Variants in GPC5 observed in about 807,000 individuals in gnomAD.
GPC5 encodes glypican 5, also known as glypican-5.
Under a neutral mutation model 53.9 loss-of-function variants are expected in GPC5, and 47 were observed. That is an observed-to-expected ratio of 0.87 (90% CI 0.69 to 1.11). The LOEUF is 1.11. GPC5 is among the 50% of genes most tolerant of loss of function. The pLI is 0.00. For missense variants in GPC5, 748 were observed against 713.1 expected, an observed-to-expected ratio of 1.05 and a Z score of -0.56; for synonymous variants, 286 against 263.3, an observed-to-expected ratio of 1.09 and a Z score of -0.84.
chr13:92,109,061 G>GTTTTTTTTTTT (rs35762919), intron 6 of GPC5, among the ~76,000 whole-genome samples: 2 of 87,500 alleles, frequency 2.3e-5, no homozygotes, highest in Non-Finnish European at 4.3e-5. Context: ...CAATATGTTG[G>GTTTTTTTTTTT]TTTTTTTTTT....
chr13:92,395,699 G>T (rs1875236721), intron 7 of GPC5, among the ~76,000 whole-genome samples: 1 of 152,018 alleles, frequency 6.6e-6, no homozygotes, highest in South Asian at 2.1e-4. Flanking sequence ...AATCCAGGCT[G>T]GTTTGTGTGG....
chr13:91,893,642 T>G (rs1179237950), intron 5 of GPC5, among the ~76,000 whole-genome samples: 1 of 152,144 alleles, frequency 6.6e-6, no homozygotes, highest in Non-Finnish European at 1.5e-5. Context: ...ATTATGTATC[T>G]GACAAAATAG....
At chr13:92,781,925 T>A (rs552268927) in intron 7 of GPC5, among the ~76,000 whole-genome samples, 1 of 152,066 alleles carries the variant, frequency 6.6e-6, no homozygotes, top group Non-Finnish European at 1.5e-5. Flanking sequence ...AAAATAATTA[T>A]CAATAATGTG....
At chr13:92,460,553 T>A (rs996111686) in intron 7 of GPC5, among the ~76,000 whole-genome samples, 1 of 152,178 alleles carries the variant, frequency 6.6e-6, no homozygotes, top group Non-Finnish European at 1.5e-5. Flanking sequence ...ATTGAAGAAA[T>A]TTGAGTCCTT....
intron 5 of GPC5, among the ~76,000 whole-genome samples, chr13:91,772,515 A>G (rs1027480095): frequency 2.0e-5 from 3 of 152,178 alleles, no homozygotes; most frequent in African/African-American, 7.2e-5. Flanking sequence ...TTTTGATATA[A>G]GAACTCTACT....
At chr13:92,676,653 G>A (rs1387754896) in intron 7 of GPC5, among the ~76,000 whole-genome samples, 1 of 152,094 alleles carries the variant, frequency 6.6e-6, no homozygotes, top group African/African-American at 2.4e-5. Context: ...TGTGGAGACA[G>A]GTAGCATTCC....
At chr13:92,388,664 A>C (rs778840749) in intron 7 of GPC5, among the ~76,000 whole-genome samples, 4 of 152,142 alleles carry the variant, frequency 2.6e-5, no homozygotes, top group Non-Finnish European at 5.9e-5. Flanking sequence ...TTGGGCTCAC[A>C]TTAGGTGATT....
At chr13:92,843,834 T>C (rs1878511853) in intron 7 of GPC5, among the ~76,000 whole-genome samples, 1 of 152,052 alleles carries the variant, frequency 6.6e-6, no homozygotes, top group Admixed American at 6.6e-5. Flanking sequence ...GTAACTTAAC[T>C]CTCTAAAGTA....
intron 6 of GPC5, among the ~76,000 whole-genome samples, chr13:91,993,750 ATC>A (rs1566383206): frequency 6.6e-6 from 1 of 151,876 alleles, no homozygotes; most frequent in Non-Finnish European, 1.5e-5. Context: ...ATCTCAAAAT[ATC>A]TCATATGTCT....
intron 7 of GPC5, among the ~76,000 whole-genome samples, chr13:92,853,840 A>G (rs1244366433): frequency 6.6e-6 from 1 of 152,172 alleles, no homozygotes; most frequent in Non-Finnish European, 1.5e-5. Flanking sequence ...TGCCCAGCAC[A>G]GAATATCCAA....
chr13:92,628,260 C>CTTTTTTTTTTTTTTTTTTTTTTTTTTT (rs1286424637), intron 7 of GPC5, among the ~76,000 whole-genome samples: 7 of 37,572 alleles, frequency 1.9e-4, no homozygotes, highest in African/African-American at 4.1e-4. Context: ...TTTTCTTTTT[C>CTTTTTTTTTTTTTTTTTTTTTTTTTTT]TTTCTTTTTT....
intron 6 of GPC5, among the ~76,000 whole-genome samples, chr13:92,120,072 G>T (rs931717752): frequency 2.0e-5 from 3 of 152,156 alleles, no homozygotes; most frequent in African/African-American, 7.2e-5. Flanking sequence ...GACAGTAAAT[G>T]CAGGTGTTGA....
chr13:91,570,318 A>G (rs1352597233), intron 2 of GPC5, among the ~76,000 whole-genome samples: 3 of 152,188 alleles, frequency 2.0e-5, no homozygotes, highest in Non-Finnish European at 4.4e-5. Flanking sequence ...AAATTCTCCT[A>G]AATCTGAAAC....
intron 2 of GPC5, among the ~76,000 whole-genome samples, chr13:91,678,762 T>C (rs767832678): frequency 1.3e-5 from 2 of 151,710 alleles, no homozygotes; most frequent in Non-Finnish European, 2.9e-5. Flanking sequence ...CATTTGTGGA[T>C]CCTATAGAGC....
intron 6 of GPC5, among the ~76,000 whole-genome samples, chr13:91,913,957 G>A (rs2039634785): frequency 3.3e-5 from 5 of 152,146 alleles, no homozygotes; most frequent in Admixed American, 3.3e-4. Flanking sequence ...TAATATTATA[G>A]ATTGAAAACA....
At chr13:91,883,636 G>A (rs147768616) in intron 5 of GPC5, among the ~76,000 whole-genome samples, 1 of 152,324 alleles carries the variant, frequency 6.6e-6, no homozygotes, top group East Asian at 1.9e-4. Context: ...CTGAAGCAGA[G>A]TGAGGAAGGG....
intron 5 of GPC5, among the ~76,000 whole-genome samples, chr13:91,817,926 C>G (rs2038425641): frequency 6.6e-6 from 1 of 151,918 alleles, no homozygotes; most frequent in Admixed American, 6.6e-5. Flanking sequence ...TTCTTAAAAA[C>G]AACTATAATT....
intron 7 of GPC5, among the ~76,000 whole-genome samples, chr13:92,761,872 G>T (rs371042095): frequency 6.6e-6 from 1 of 152,046 alleles, no homozygotes. Flanking sequence ...TGTGAGCTAG[G>T]AGAAAATGTG....
intron 6 of GPC5, among the ~76,000 whole-genome samples, chr13:92,107,017 C>T (rs2041515510): frequency 6.6e-6 from 1 of 152,110 alleles, no homozygotes; most frequent in Non-Finnish European, 1.5e-5. Flanking sequence ...AATGTATTTA[C>T]ATCATTCACT....
Sources: gnomAD v4.1 joint callset for allele counts (sites outside exome capture counted in the v4.1 genomes callset) on GRCh38, gnomAD v4.1.1 for gene constraint, MANE v1.5 for transcripts, NCBI Gene and HGNC (gene_info 2026-07-23, HGNC 2026-07-21) for gene names.